GAD1: variants seen among roughly 807,000 people sequenced by gnomAD.
GAD1 encodes the protein 67 kDa glutamic acid decarboxylase.
GAD1 carries 35 observed loss-of-function variants against 75.2 expected under a neutral mutation model. That is an observed-to-expected ratio of 0.47 (90% CI 0.36 to 0.62). The LOEUF is 0.62. Ranked by LOEUF, GAD1 falls within the 20% of genes least tolerant of loss-of-function variation. GAD1 has a pLI of 0.00. For synonymous variants in GAD1, 257 were observed against 271.9 expected (o/e 0.95, Z 0.54); for missense variants, 490 against 758.5 (o/e 0.65, Z 4.16).
At chr2:170,836,270 C>A (rs1336824532) in intron 5 of GAD1, among the ~76,000 whole-genome samples, 1 of 152,108 alleles carries the variant, frequency 6.6e-6, no homozygotes, top group Non-Finnish European at 1.5e-5. Flanking sequence ...GTTGAGTTTT[C>A]CGTTGAATGC....
Position 170,829,519 on chromosome 2 carries a change from G to A in GAD1, c.190G>A (p.Val64Met), listed in dbSNP as rs1215875151. The part of the protein sequence containing the change: ...TNSLEEKSRL[V>M]SAFKERQSSK... ...CAGCCTGGAAGAGAAGAGTCGCCTTGTGAGTGCCTTCAAGGAGAGGCAATC... is the reference window on the plus strand; with the variant it reads ...CAGCCTGGAAGAGAAGAGTCGCCTTATGAGTGCCTTCAAGGAGAGGCAATC... Residue 64 changes from valine (V) to methionine (M), a missense_variant, in exon 4 of 17, where the codon GTG becomes ATG. Val to Met is a conservative substitution (Grantham distance 21). Around this residue, in one of 3 missense-constraint regions of GAD1, gnomAD observed 165 missense variants for 216.4 expected, o/e 0.76. Transcript: ENST00000358196. The A allele has an allele frequency of 1.2e-6, 2 of 1,613,668 alleles. No individual in the cohort carries two copies. Among genetic ancestry groups the A allele is most frequent in the African/African-American group, 1.3e-5 (1 of 74,908 alleles).
At chr2:170,859,578 T>C in intron 16 of GAD1, 131 bp from the exon 17 acceptor site, 1 of 941,884 alleles carries the variant, frequency 1.1e-6, no homozygotes. Context: ...TGAAGATTCC[T>C]GGATATGAAA....
At chr2:170,822,853 G>A (rs1371753789) in intron 3 of GAD1, among the ~76,000 whole-genome samples, 1 of 152,228 alleles carries the variant, frequency 6.6e-6, no homozygotes, top group Non-Finnish European at 1.5e-5. Context: ...AAGGGAAAGG[G>A]GACGAGCAGG....
intron 14 of GAD1, among the ~76,000 whole-genome samples, chr2:170,854,397 CTTTTTTTTT>C (rs71399565): frequency 8.9e-6 from 1 of 112,776 alleles, no homozygotes; most frequent in Non-Finnish European, 1.8e-5. Context: ...ACCTTGAATT[CTTTTTTTTT>C]TTTTTTTTTT....
chr2:170,838,760 ACTCTT>A (rs1702430828), intron 6 of GAD1, among the ~76,000 whole-genome samples: 1 of 152,086 alleles, frequency 6.6e-6, no homozygotes, highest in South Asian at 2.1e-4. Context: ...AAAGTCCCTT[ACTCTT>A]CTCTTAGCTC....
intron 3 of GAD1, chr2:170,829,102 A>G (rs1293692340): frequency 2.0e-5 from 7 of 353,306 alleles, no homozygotes; most frequent in Non-Finnish European, 3.3e-5. Flanking sequence ...TACAGCCCAT[A>G]AACAGTGCTG....
chr2:170,830,738 CAGAA>C (rs1233671442), intron 4 of GAD1, among the ~76,000 whole-genome samples: 1 of 152,196 alleles, frequency 6.6e-6, no homozygotes, highest in Non-Finnish European at 1.5e-5. Context: ...AGCAGCCTGT[CAGAA>C]AGGCTGTGAA....
chr2:170,835,721 T>C (rs1157235948), intron 5 of GAD1, among the ~76,000 whole-genome samples: 1 of 152,198 alleles, frequency 6.6e-6, no homozygotes, highest in Non-Finnish European at 1.5e-5. Flanking sequence ...AAATGAAGTG[T>C]TATTGTTAAA....
intron 5 of GAD1, among the ~76,000 whole-genome samples, chr2:170,833,637 T>G (rs1358348606): frequency 6.6e-6 from 1 of 152,212 alleles, no homozygotes; most frequent in African/African-American, 2.4e-5. Context: ...AATGGCGTTG[T>G]CCCTCAAATA....
intron 6 of GAD1, among the ~76,000 whole-genome samples, chr2:170,843,213 A>G (rs1011175868): frequency 2.0e-5 from 3 of 152,240 alleles, no homozygotes; most frequent in Non-Finnish European, 4.4e-5. Flanking sequence ...TTCAATGACT[A>G]GTCTACCAGA....
Position 170,845,724 on chromosome 2 carries a change from A to C in GAD1, c.886A>C (p.Lys296Gln). The C allele has an allele frequency of 6.2e-7, 1 of 1,614,192 alleles. No individual in the cohort carries two copies. The highest frequency in any genetic ancestry group is 8.5e-7 in the Non-Finnish European group (1 of 1,180,028). The change falls in exon 9 of 17, where the codon AAA (lysine) becomes CAA (glutamine). Residue 296 changes from lysine to glutamine, a missense_variant. Lys to Gln is a moderately conservative substitution (Grantham distance 53). Around this residue, in one of 3 missense-constraint regions of GAD1, gnomAD observed 324 missense variants for 523.9 expected, o/e 0.62. Coordinates refer to ENST00000358196, the MANE Select transcript of GAD1 (RefSeq NM_000817.3). ...TSEQSHYSIKKAGAALGFGTD... is the reference protein window; with the variant it reads ...TSEQSHYSIKQAGAALGFGTD... ...GTTGCAGAGTCACTATTCCATAAAGAAAGCTGGGGCTGCACTTGGCTTTGG... is the reference window on the plus strand; with the variant it reads ...GTTGCAGAGTCACTATTCCATAAAGCAAGCTGGGGCTGCACTTGGCTTTGG...
Position 170,849,354 on chromosome 2 carries a change from A to G in GAD1, c.1184+4A>G. 7 of 1,614,060 alleles carry G rather than the reference A, an allele frequency of 4.3e-6. No homozygotes were observed. The highest frequency in any genetic ancestry group is 5.9e-6 in the Non-Finnish European group (7 of 1,179,980). ...ATAAACTCAACGGCATAGAAAGGTA[A>G]CGGCCAGAACTCGCCAGGCCTCCTT... On this transcript the variant is annotated splice_donor_region_variant and intron_variant, in intron 12 of 16. Coordinates refer to ENST00000358196, the MANE Select transcript of GAD1 (RefSeq NM_000817.3).
chr2:170,822,883 C>A (rs963502908), intron 3 of GAD1, among the ~76,000 whole-genome samples: 4 of 151,840 alleles, frequency 2.6e-5, no homozygotes, highest in African/African-American at 9.7e-5. Flanking sequence ...CCGCAGGCGG[C>A]GAAAGAACCG....
rs1702701482 is a variant in GAD1 at position 170,849,301 on chromosome 2, G to A, written c.1135G>A (p.Gly379Arg). Residue 379 changes from glycine (G) to arginine (R), a missense_variant, in exon 12 of 17, where the codon GGG becomes AGG. Transcript: ENST00000358196. The part of the protein sequence containing the change: ...WLHVDAAWGG[G>R]LLMSRKHRHK... ...GTCCCCACAGGCTGCCTGGGGAGGT[G>A]GGCTGCTCATGTCCAGGAAGCACCG... is the stretch of plus-strand genomic sequence containing the variant. 1 of 1,613,874 alleles carries A rather than the reference G, an allele frequency of 6.2e-7. No homozygotes were observed. The highest frequency in any genetic ancestry group is 1.3e-5 in the African/African-American group (1 of 74,866).
At position 170,818,340 on chromosome 2, in the gene GAD1, T is replaced by C; in HGVS notation, c.-63-189T>C. ...GCTCCCTGCGCCCCAGTACCGGAGC[T>C]AGCGCGCACGTCTCCTCCGCTGCCC... On this transcript the variant is annotated intron_variant, in intron 1 of 16. Coordinates refer to ENST00000358196, the MANE Select transcript of GAD1 (RefSeq NM_000817.3). The surrounding 1 kb of genome is among the most constrained non-coding windows in gnomAD (Gnocchi z 5.9). 5.8e-6 allele frequency: 3 copies of C among 516,834 alleles called. No individual in the cohort carries two copies. Among genetic ancestry groups the C allele is most frequent in the South Asian group, 4.1e-5 (2 of 49,178 alleles). The allele number at this position is 516,834 out of a possible 1,614,324, so 32.0% of individuals were successfully genotyped here.
At chr2:170,844,736 A>T (rs1394940610) in intron 7 of GAD1, among the ~76,000 whole-genome samples, 6 of 152,226 alleles carry the variant, frequency 3.9e-5, no homozygotes, top group Non-Finnish European at 5.9e-5. Context: ...TTTGAAGTAG[A>T]TAAAATAAGA....
At chr2:170,849,494 C>A in intron 12 of GAD1, 144 bp downstream of exon 12, 1 of 764,048 alleles carries the variant, frequency 1.3e-6, no homozygotes, top group Non-Finnish European at 2.3e-6. Context: ...ATTTGTTGAG[C>A]ATTTATTGGA....
At chr2:170,813,611 G>A (rs1978340), upstream of GAD1, among the ~76,000 whole-genome samples, 38,450 of 152,142 alleles carry the variant, frequency 0.25, 5,311 homozygotes, top group South Asian at 0.35. Flanking sequence ...CGTTTTAGGC[G>A]TGAAGATCTC....
At chr2:170,843,951 C>T (rs996534000) in intron 6 of GAD1, 94 bp from the exon 7 acceptor site, 9 of 742,122 alleles carry the variant, frequency 1.2e-5, no homozygotes, top group Non-Finnish European at 2.2e-5. Flanking sequence ...TTTTTAGAAC[C>T]CAACTACAAA....
Sources: gnomAD v4.1 joint callset for allele counts (sites outside exome capture counted in the v4.1 genomes callset) on GRCh38, gnomAD v4.1.1 for gene constraint, gnomAD v4.1.1 regional missense constraint, Gnocchi (gnomAD v3.1) non-coding constraint, MANE v1.5 for transcripts, NCBI Gene and HGNC (gene_info 2026-07-23, HGNC 2026-07-21) for gene names.